UQCC1: variants seen among roughly 807,000 people sequenced by gnomAD.
UQCC1 encodes ubiquinol-cytochrome c reductase complex assembly factor 1.
A neutral mutation model predicts 48.0 loss-of-function variants in UQCC1; 38 were observed. The ratio of observed to expected loss-of-function variants is 0.79; its 90% CI spans 0.61 to 1.04. The LOEUF (loss-of-function observed/expected upper bound fraction) is 1.04. Ranked by LOEUF, UQCC1 falls within the 50% of genes least tolerant of loss-of-function variation. The pLI, the probability that UQCC1 is intolerant of heterozygous loss-of-function variation, is 0.00. For missense variants in UQCC1, 368 were observed against 381.8 expected, an observed-to-expected ratio of 0.96 and a Z score of 0.30; for synonymous variants, 111 against 129.2, an observed-to-expected ratio of 0.86 and a Z score of 0.95.
At chr20:35,363,464 G>A (rs191042127) in intron 6 of UQCC1, among the ~76,000 whole-genome samples, 11 of 152,262 alleles carry the variant, frequency 7.2e-5, no homozygotes. Context: ...AACTGATAAG[G>A]GTCCTCTAGG....
intron 6 of UQCC1, among the ~76,000 whole-genome samples, chr20:35,361,044 T>C (rs560820088): frequency 1.8e-4 from 28 of 152,292 alleles, no homozygotes; most frequent in Admixed American, 3.3e-4. Context: ...ATGAGAGAAT[T>C]GGACTAGATC....
intron 8 of UQCC1, among the ~76,000 whole-genome samples, chr20:35,312,326 C>T (rs2061003581): frequency 6.6e-6 from 1 of 152,060 alleles, no homozygotes; most frequent in Non-Finnish European, 1.5e-5. Context: ...TTCAGGATAT[C>T]CAGTAGAATA....
Position 35,310,693 on chromosome 20 carries a change from A to ATTT in UQCC1, c.652-3917_652-3915dup, listed in dbSNP as rs369142415. Among the ~76,000 whole-genome samples, 67 of 100,694 alleles carry ATTT rather than the reference A, an allele frequency of 6.7e-4. 2 individuals are homozygous for ATTT. Among genetic ancestry groups the ATTT allele is most frequent in the African/African-American group, 2.0e-3 (49 of 24,748 alleles). 66.1% of individuals were successfully genotyped at this position (100,694 alleles called of 152,430 possible). ...ATTGGGAAGATTTGGAAAGCTGCAG[A>ATTT]TTTTTTTTTTTTTTTTTGAGATGGA... On this transcript the variant is annotated intron_variant, in intron 8 of 9. Transcript: ENST00000374385.
At chr20:35,341,195 T>C (rs1248486908) in intron 7 of UQCC1, among the ~76,000 whole-genome samples, 2 of 136,512 alleles carry the variant, frequency 1.5e-5, no homozygotes, top group East Asian at 4.2e-4. Flanking sequence ...TACTCCAGTC[T>C]GGGTGACAGA....
intron 2 of UQCC1, among the ~76,000 whole-genome samples, chr20:35,384,370 A>G (rs1180681005): frequency 6.6e-6 from 1 of 152,218 alleles, no homozygotes; most frequent in African/African-American, 2.4e-5. Context: ...GCCAGGCACA[A>G]TAGCTCACAC....
At chr20:35,332,901 A>C (rs1490701765) in intron 7 of UQCC1, among the ~76,000 whole-genome samples, 1 of 152,170 alleles carries the variant, frequency 6.6e-6, no homozygotes, top group African/African-American at 2.4e-5. Context: ...TCTTAATTTC[A>C]ACCTAATAAA....
At chr20:35,354,396 CTTT>C (rs11477242) in intron 6 of UQCC1, among the ~76,000 whole-genome samples, 1 of 145,234 alleles carries the variant, frequency 6.9e-6, no homozygotes, top group Non-Finnish European at 1.5e-5. Flanking sequence ...GGCAAATTCT[CTTT>C]TTTTTTTTTT....
chr20:35,373,685 C>T (rs2061761044), intron 5 of UQCC1, among the ~76,000 whole-genome samples: 1 of 60,360 alleles, frequency 1.7e-5, no homozygotes, highest in Non-Finnish European at 2.8e-5. Context: ...AAGACTCCAT[C>T]TCAAAAAAAA....
chr20:35,388,145 A>G (rs1168099018), intron 2 of UQCC1, among the ~76,000 whole-genome samples: 2 of 151,276 alleles, frequency 1.3e-5, no homozygotes, highest in Non-Finnish European at 1.5e-5. Flanking sequence ...CACGCCAGCT[A>G]ATTTTTTTAT....
rs1302510893 is a variant in UQCC1 at position 35,311,744 on chromosome 20, A to G, written c.651+2944T>C. On this transcript the variant is annotated intron_variant, in intron 8 of 9. Transcript: ENST00000374385. ...ATCACCTGGGAACTTTTACAACTACAGATGTCCACCTCCACCAATTAAATC... is the reference window on the plus strand; with the variant it reads ...ATCACCTGGGAACTTTTACAACTACGGATGTCCACCTCCACCAATTAAATC... Among the ~76,000 whole-genome samples, 15 of 152,320 alleles carry G rather than the reference A, an allele frequency of 9.8e-5. No individual in the cohort carries two copies. The East Asian group carries it at 2.9e-3, about 29-fold the overall frequency.
At chr20:35,316,664 A>C (rs1223177879) in intron 7 of UQCC1, among the ~76,000 whole-genome samples, 1 of 152,116 alleles carries the variant, frequency 6.6e-6, no homozygotes, top group Non-Finnish European at 1.5e-5. Context: ...TTTGAGACAG[A>C]GTCTCGCTCT....
At chr20:35,361,577 T>C (rs536693850) in intron 6 of UQCC1, among the ~76,000 whole-genome samples, 23 of 152,356 alleles carry the variant, frequency 1.5e-4, no homozygotes, top group Non-Finnish European at 7.3e-5. Flanking sequence ...GTAGGTACTT[T>C]AGTATTAATT....
chr20:35,330,760 G>T (rs141524461), intron 7 of UQCC1, among the ~76,000 whole-genome samples: 107 of 151,668 alleles, frequency 7.1e-4, no homozygotes, highest in Middle Eastern at 3.4e-3. Flanking sequence ...TTCACTCTTG[G>T]AAATTCTACC....
At chr20:35,382,220 C>T (rs1396514788) in intron 3 of UQCC1, among the ~76,000 whole-genome samples, 195 bp from the exon 4 acceptor site, 1 of 152,116 alleles carries the variant, frequency 6.6e-6, no homozygotes. Context: ...GATCCTCCTG[C>T]CTCAGCCTCC....
rs553225634 is a variant in UQCC1 at position 35,379,705 on chromosome 20, C to T, written c.333+2213G>A. ...CCTGTAGTCCCAGCTACTTAGGAGG[C>T]TGAGGCAGGAAAATTGCTTGAACCT... On this transcript the variant is annotated intron_variant, in intron 4 of 9. Transcript: ENST00000374385. 4.6e-5 allele frequency among the ~76,000 whole-genome samples: 7 copies of T among 152,176 alleles called. No individual in the cohort carries two copies. In the South Asian group the frequency reaches 1.5e-3, roughly 32 times the overall value.
intron 1 of UQCC1, among the ~76,000 whole-genome samples, chr20:35,407,648 G>A (rs1360896705): frequency 6.6e-6 from 1 of 152,144 alleles, no homozygotes; most frequent in East Asian, 1.9e-4. Context: ...CACTTCGGGA[G>A]GCCAAGGCGG....
At chr20:35,396,351 C>T (rs1207600270) in intron 1 of UQCC1, among the ~76,000 whole-genome samples, 2 of 143,514 alleles carry the variant, frequency 1.4e-5, no homozygotes, top group Non-Finnish European at 3.0e-5. Flanking sequence ...GAGTCCAGTG[C>T]CTAGTCATGG....
At chr20:35,310,532 G>T (rs945830777) in intron 8 of UQCC1, among the ~76,000 whole-genome samples, 1 of 149,948 alleles carries the variant, frequency 6.7e-6, no homozygotes, top group African/African-American at 2.5e-5. Flanking sequence ...TCTAGTCCCA[G>T]CTACTCAGGA....
chr20:35,374,305 T>A, intron 4 of UQCC1, 49 bp from the exon 5 acceptor site: 2 of 1,409,648 alleles, frequency 1.4e-6, no homozygotes, highest in Non-Finnish European at 2.0e-6. Flanking sequence ...AAGTGGATGT[T>A]CTACTTCCAT....
Sources: allele counts gnomAD v4.1 joint callset (sites outside exome capture counted in the v4.1 genomes callset), GRCh38; gene constraint gnomAD v4.1.1; transcripts MANE v1.5; gene names NCBI Gene and HGNC (gene_info 2026-07-23, HGNC 2026-07-21).